Variants in GALNT13 observed in about 807,000 individuals in gnomAD.
GALNT13 encodes the protein UDP-GalNAc:polypeptide N-acetylgalactosaminyltransferase 13.
GALNT13 carries 28 observed loss-of-function variants against 64.2 expected under a neutral mutation model. The ratio of observed to expected loss-of-function variants is 0.44; its 90% CI spans 0.32 to 0.60. GALNT13 has a LOEUF of 0.60. GALNT13 is among the 20% of genes least tolerant of loss of function. GALNT13 has a pLI of 0.05. For missense variants in GALNT13, 577 were observed against 669.8 expected (o/e 0.86, Z 1.53); for synonymous variants, 214 against 224.6 (o/e 0.95, Z 0.42).
intron 2 of GALNT13, among the ~76,000 whole-genome samples, chr2:153,929,812 C>G (rs1233505137): frequency 6.6e-6 from 1 of 152,090 alleles, no homozygotes; most frequent in African/African-American, 2.4e-5. Flanking sequence ...TGAACATACA[C>G]ATATATATGT....
chr2:153,267,372 G>A, the GALNT13 span, among the ~76,000 whole-genome samples: 1 of 152,200 alleles, frequency 6.6e-6, no homozygotes, highest in African/African-American at 2.4e-5. Flanking sequence ...CCCTGCAGCA[G>A]ACTTCTTCCT....
the GALNT13 span, among the ~76,000 whole-genome samples, chr2:153,160,324 A>G: frequency 7.2e-5 from 11 of 152,284 alleles, no homozygotes; most frequent in East Asian, 2.1e-3. Context: ...ATATTCCAGG[A>G]GCTTATTATT....
chr2:154,215,036 A>G (rs1039043105), intron 4 of GALNT13, among the ~76,000 whole-genome samples: 4 of 152,212 alleles, frequency 2.6e-5, no homozygotes, highest in African/African-American at 4.8e-5. Context: ...ATGTAAGCCA[A>G]AAGTTTCTGG....
the GALNT13 span, among the ~76,000 whole-genome samples, chr2:153,399,138 A>C: frequency 2.2e-5 from 3 of 137,250 alleles, no homozygotes; most frequent in East Asian, 6.4e-4. Flanking sequence ...AGCTTTCTAC[A>C]TATGGCTAGC....
rs180892070 is a variant in GALNT13 at position 154,213,549 on chromosome 2, T to C, written c.312-28481T>C. On this transcript the variant is annotated intron_variant, in intron 4 of 12. Transcript: ENST00000392825. ...ATCTGGAAGATAGCAGATTAGAAAA[T>C]AAAAAGGACTAGATGGGTATGAAGA... Among the ~76,000 whole-genome samples, 4 of 143,562 alleles carry C rather than the reference T, an allele frequency of 2.8e-5. No homozygotes were observed. In the East Asian group the frequency reaches 8.2e-4, roughly 29 times the overall value. 94.2% of individuals were successfully genotyped at this position (143,562 alleles called of 152,430 possible).
chr2:154,271,216 T>C (rs1022596907), intron 8 of GALNT13, among the ~76,000 whole-genome samples: 13 of 151,944 alleles, frequency 8.6e-5, no homozygotes, highest in Non-Finnish European at 5.9e-5. Context: ...GAGATTAAAA[T>C]GTAATAAAGA....
intron 2 of GALNT13, among the ~76,000 whole-genome samples, chr2:153,943,880 CT>C (rs1299914225): frequency 6.6e-6 from 1 of 152,194 alleles, no homozygotes; most frequent in African/African-American, 2.4e-5. Flanking sequence ...TGAGGTTTAG[CT>C]TTGGCATTTC....
At chr2:153,107,201 G>A in the GALNT13 span, among the ~76,000 whole-genome samples, 5 of 152,072 alleles carry the variant, frequency 3.3e-5, no homozygotes, top group African/African-American at 4.8e-5. Context: ...AAAGGTCCTC[G>A]CTGTCAAGAT....
chr2:154,206,982 A>G (rs1002283606), intron 4 of GALNT13, among the ~76,000 whole-genome samples: 9 of 152,144 alleles, frequency 5.9e-5, no homozygotes, highest in African/African-American at 2.2e-4. Flanking sequence ...TTTTACCATG[A>G]TAATTTCAAC....
At chr2:153,597,975 T>C in the GALNT13 span, among the ~76,000 whole-genome samples, 1 of 152,096 alleles carries the variant, frequency 6.6e-6, no homozygotes. Flanking sequence ...CCTCATATAC[T>C]ACTGGTATAA....
At chr2:153,805,246 T>C in the GALNT13 span, among the ~76,000 whole-genome samples, 1 of 151,872 alleles carries the variant, frequency 6.6e-6, no homozygotes, top group East Asian at 1.9e-4. Context: ...AGCAAGGGTA[T>C]AGAAAAATAC....
the GALNT13 span, among the ~76,000 whole-genome samples, chr2:153,759,760 T>C: frequency 6.6e-6 from 1 of 152,118 alleles, no homozygotes; most frequent in African/African-American, 2.4e-5. Flanking sequence ...ATTTGGGATA[T>C]TGGCCTGCAA....
At chr2:154,374,756 T>C (rs996693558) in intron 9 of GALNT13, among the ~76,000 whole-genome samples, 2 of 152,214 alleles carry the variant, frequency 1.3e-5, no homozygotes, top group Admixed American at 6.5e-5. Flanking sequence ...AGGTTTGAAC[T>C]GACAAACCCA....
chr2:153,504,386 G>A, the GALNT13 span, among the ~76,000 whole-genome samples: 6 of 152,156 alleles, frequency 3.9e-5, no homozygotes, highest in Non-Finnish European at 8.8e-5. Flanking sequence ...TCTTTCTCTT[G>A]TCTGATGGCT....
At chr2:154,168,320 T>G (rs1435680675) in intron 4 of GALNT13, among the ~76,000 whole-genome samples, 2 of 152,134 alleles carry the variant, frequency 1.3e-5, no homozygotes, top group Non-Finnish European at 2.9e-5. Flanking sequence ...CAGAATTCCC[T>G]CTTCTTCAGA....
chr2:153,912,094 T>G (rs1477219145), intron 2 of GALNT13, among the ~76,000 whole-genome samples: 1 of 152,206 alleles, frequency 6.6e-6, no homozygotes, highest in Non-Finnish European at 1.5e-5. Flanking sequence ...GAGGTTTGGT[T>G]TGTTCCTTTT....
chr2:154,096,227 C>T (rs760351291), intron 3 of GALNT13, among the ~76,000 whole-genome samples: 1 of 151,894 alleles, frequency 6.6e-6, no homozygotes, highest in Non-Finnish European at 1.5e-5. Flanking sequence ...TTCTTCATCC[C>T]CATCACCAAC....
the GALNT13 span, among the ~76,000 whole-genome samples, chr2:153,384,893 T>C: frequency 6.6e-6 from 1 of 151,978 alleles, no homozygotes; most frequent in African/African-American, 2.4e-5. Flanking sequence ...TAAATAAGGA[T>C]GACTACAGAG....
intron 3 of GALNT13, among the ~76,000 whole-genome samples, chr2:153,986,637 T>A (rs1694819532): frequency 6.6e-6 from 1 of 151,918 alleles, no homozygotes; most frequent in Admixed American, 6.6e-5. Flanking sequence ...TGACAAGATT[T>A]TCATGTCACA....
Sources: allele counts gnomAD v4.1 joint callset (sites outside exome capture counted in the v4.1 genomes callset), GRCh38; gene constraint gnomAD v4.1.1; transcripts MANE v1.5; gene names NCBI Gene and HGNC (gene_info 2026-07-23, HGNC 2026-07-21).